Variants in AGL observed in about 807,000 individuals in gnomAD.
AGL encodes glycogen debranching enzyme.
AGL carries 128 observed loss-of-function variants against 199.3 expected under a neutral mutation model. The observed-to-expected ratio is 0.64, with a 90% CI of 0.56 to 0.74. AGL has a LOEUF of 0.74. Among genes scored for constraint, AGL ranks in the 30% least tolerant of loss-of-function variants. The pLI is 0.00. For missense variants in AGL, 1,809 were observed against 1,820.8 expected, an observed-to-expected ratio of 0.99 and a Z score of 0.12; for synonymous variants, 584 against 594.7, an observed-to-expected ratio of 0.98 and a Z score of 0.26.
At chr1:99,879,804 T>C in intron 12 of AGL, 119 bp from the exon 13 acceptor site, 1 of 786,514 alleles carries the variant, frequency 1.3e-6, no homozygotes, top group Non-Finnish European at 2.2e-6. Context: ...ATGTTTGATA[T>C]CTTGCTGCAT....
Position 99,880,032 on chromosome 1 carries a change from G to A in AGL, c.1721G>A (p.Ser574Asn), listed in dbSNP as rs1160451081. The change falls in exon 13 of 34, where the codon AGT (serine) becomes AAT (asparagine). Residue 574 changes from serine to asparagine, a missense_variant. Transcript: ENST00000361915. ...GTCTTTGTTACTAGACTGGGCATTAGTTCCTTAATAAGAGGTAGGCTTGTT... is the reference window on the plus strand; with the variant it reads ...GTCTTTGTTACTAGACTGGGCATTAATTCCTTAATAAGAGGTAGGCTTGTT... ...DNVFVTRLGI[S>N]SLIREAMSAY... is the part of the protein sequence containing the mutation. The A allele has an allele frequency of 6.2e-7, 1 of 1,613,380 alleles. No homozygotes were observed. Among genetic ancestry groups the A allele is most frequent in the East Asian group, 2.2e-5 (1 of 44,786 alleles).
At chr1:99,914,078 G>C (rs895696559) in intron 30 of AGL, among the ~76,000 whole-genome samples, 2 of 152,108 alleles carry the variant, frequency 1.3e-5, no homozygotes, top group Non-Finnish European at 2.9e-5. Context: ...CAGCCCAGGA[G>C]TTTGAGACCA....
chr1:99,909,599 C>T (rs1472792528), intron 27 of AGL, among the ~76,000 whole-genome samples: 1 of 151,790 alleles, frequency 6.6e-6, no homozygotes, highest in African/African-American at 2.4e-5. Flanking sequence ...TTGGAGGTTG[C>T]AGGTTGCTTT....
In AGL at chr1:99,896,976, C is replaced by G. The variant is rs537895593; in HGVS notation, c.3362+588C>G. ...AGATTACAGGCGCCCGCCACCACGC[C>G]CAGCTAATTTTTGTATTTCTAGTAG... On this transcript the variant is annotated intron_variant, in intron 25 of 33. Coordinates refer to ENST00000361915, the MANE Select transcript of AGL (RefSeq NM_000642.3). 2.0e-5 allele frequency among the ~76,000 whole-genome samples: 3 copies of G among 152,216 alleles called. No homozygotes were observed. In the South Asian group the frequency reaches 6.2e-4, roughly 32 times the overall value.
At position 99,881,658 on chromosome 1, in the gene AGL, T is replaced by C. The variant is rs1652041472; in HGVS notation, c.2275T>C (p.Tyr759His). 6.2e-7 allele frequency: 1 copy of C among 1,613,984 alleles called. No homozygotes were observed. The highest frequency in any genetic ancestry group is 1.3e-5 in the African/African-American group (1 of 75,038). The change falls in exon 17 of 34, where the codon TAC (tyrosine) becomes CAC (histidine). Residue 759 changes from tyrosine to histidine, a missense_variant. Coordinates refer to ENST00000361915, the MANE Select transcript of AGL (RefSeq NM_000642.3). ...TAFRNPKTSF[Y>H]SKEVPQMCIP... is the part of the protein sequence containing the mutation. ...TTTCAGGAATCCCAAGACTTCATTT[T>C]ACAGCAAGGAAGTGCCTCAAATGTG...
chr1:99,887,855 C>A, intron 20 of AGL, 123 bp from the exon 21 acceptor site: 1 of 1,067,134 alleles, frequency 9.4e-7, no homozygotes. Flanking sequence ...TATTTGAATG[C>A]TGAGTTCCTA....
intron 24 of AGL, among the ~76,000 whole-genome samples, chr1:99,894,313 G>A (rs1037557892): frequency 1.3e-5 from 2 of 152,120 alleles, no homozygotes; most frequent in Admixed American, 6.5e-5. Flanking sequence ...TCCATACATA[G>A]TGCTAGAGAT....
chr1:99,898,098 G>C (rs1044557529), intron 25 of AGL, among the ~76,000 whole-genome samples: 2 of 150,060 alleles, frequency 1.3e-5, no homozygotes, highest in Admixed American at 6.7e-5. Context: ...TCAGGCTGGA[G>C]TGCAGTGGCG....
At chr1:99,916,527 A>C in intron 32 of AGL, 30 bp downstream of exon 32, 1 of 1,605,122 alleles carries the variant, frequency 6.2e-7, no homozygotes, top group Non-Finnish European at 8.5e-7. Flanking sequence ...TCTGAGTTTC[A>C]GTTTAAATTA....
intron 26 of AGL, among the ~76,000 whole-genome samples, chr1:99,902,353 T>G (rs1653908143): frequency 6.6e-6 from 1 of 152,184 alleles, no homozygotes; most frequent in African/African-American, 2.4e-5. Flanking sequence ...AATTTAAAAT[T>G]CAGATGCTGG....
intron 2 of AGL, among the ~76,000 whole-genome samples, chr1:99,855,973 A>G (rs1386812031): frequency 1.3e-5 from 2 of 152,166 alleles, no homozygotes; most frequent in East Asian, 3.8e-4. Flanking sequence ...GGAGGGGAAA[A>G]GATAGAACAT....
rs1017914380 is a variant in AGL at position 99,922,807 on chromosome 1, T to C, written c.*1156T>C. On this transcript the variant is annotated 3_prime_UTR_variant, in exon 34 of 34. Transcript: ENST00000361915. ...GAAGAAAGTAGTGGCAAGAATTCTT[T>C]CATTGCTATATAATATTCAGTGGCT... is the stretch of plus-strand genomic sequence containing the variant. 4 of 152,034 alleles carry C rather than the reference T, an allele frequency of 2.6e-5. No homozygotes were observed. Among genetic ancestry groups the C allele is most frequent in the Non-Finnish European group, 5.9e-5 (4 of 67,910 alleles). 9.4% of individuals were successfully genotyped at this position (152,034 alleles called of 1,614,324 possible).
intron 30 of AGL, among the ~76,000 whole-genome samples, chr1:99,914,689 T>G (rs962563818): frequency 6.6e-6 from 1 of 152,206 alleles, no homozygotes; most frequent in African/African-American, 2.4e-5. Flanking sequence ...GTAAAAGTTC[T>G]GTGTTTATTT....
intron 27 of AGL, among the ~76,000 whole-genome samples, chr1:99,903,907 T>G (rs1330296677): frequency 6.6e-6 from 1 of 152,194 alleles, no homozygotes; most frequent in East Asian, 1.9e-4. Context: ...CATTTTTTCA[T>G]GTGTCTGTTG....
chr1:99,857,263 G>C (rs1649578738), intron 2 of AGL, among the ~76,000 whole-genome samples: 2 of 151,954 alleles, frequency 1.3e-5, no homozygotes, highest in Non-Finnish European at 2.9e-5. Flanking sequence ...GGGCGGCCGG[G>C]CAGAGACGCT....
intron 2 of AGL, among the ~76,000 whole-genome samples, chr1:99,857,854 A>AGGCCGTGGGG (rs1649691324): frequency 9.0e-6 from 1 of 110,646 alleles, no homozygotes; most frequent in Admixed American, 9.4e-5. Context: ...GGGAGGGGGG[A>AGGCCGTGGGG]AGAGGGAGAG....
At chr1:99,863,106 A>ATTTTT (rs1301616498) in intron 4 of AGL, among the ~76,000 whole-genome samples, 2 of 151,798 alleles carry the variant, frequency 1.3e-5, no homozygotes, top group South Asian at 2.1e-4. Context: ...TGCCTCACTA[A>ATTTTT]TTTTTGTATT....
chr1:99,864,158 C>G (rs1053598754), intron 4 of AGL, among the ~76,000 whole-genome samples: 7 of 152,120 alleles, frequency 4.6e-5, no homozygotes, highest in Admixed American at 3.3e-4. Context: ...ATCTCATTAT[C>G]TCTGTCTTGT....
At chr1:99,879,559 G>A (rs750390480) in intron 12 of AGL, among the ~76,000 whole-genome samples, 1 of 151,774 alleles carries the variant, frequency 6.6e-6, no homozygotes, top group Non-Finnish European at 1.5e-5. Flanking sequence ...ACTCCAGCCT[G>A]GGCAACAAGA....
Sources: gnomAD v4.1 joint callset for allele counts (sites outside exome capture counted in the v4.1 genomes callset) on GRCh38, gnomAD v4.1.1 for gene constraint, MANE v1.5 for transcripts, NCBI Gene and HGNC (gene_info 2026-07-23, HGNC 2026-07-21) for gene names.